Variants in RIGI observed in about 807,000 individuals in gnomAD.
RIGI encodes the protein RNA sensor RIG-I, also known as antiviral innate immune response receptor RIG-I.
At chr9:32,514,623 G>A in the RIGI span, among the ~76,000 whole-genome samples, 1 of 152,080 alleles carries the variant, frequency 6.6e-6, no homozygotes, top group African/African-American at 2.4e-5. Flanking sequence ...ATACCTAATG[G>A]AGATGATGGT....
the RIGI span, among the ~76,000 whole-genome samples, chr9:32,498,571 A>C: frequency 6.6e-6 from 1 of 152,216 alleles, no homozygotes; most frequent in East Asian, 1.9e-4. Context: ...ATAGCTCTGA[A>C]AACAGAAATG....
the RIGI span, among the ~76,000 whole-genome samples, chr9:32,500,481 T>C: frequency 6.6e-6 from 1 of 152,232 alleles, no homozygotes; most frequent in Non-Finnish European, 1.5e-5. Context: ...ATTGTTATTA[T>C]TAAAAATGAT....
At chr9:32,466,690 C>CAAAAAAAAA in the RIGI span, among the ~76,000 whole-genome samples, 6 of 68,602 alleles carry the variant, frequency 8.7e-5, no homozygotes, top group African/African-American at 3.1e-4. Context: ...AGACCTATCT[C>CAAAAAAAAA]AAAAAAAAAA....
At chr9:32,519,837 C>T in the RIGI span, among the ~76,000 whole-genome samples, 13 of 151,744 alleles carry the variant, frequency 8.6e-5, no homozygotes, top group African/African-American at 2.7e-4. Context: ...TTTTTTTATC[C>T]TAAGCCATTT....
At chr9:32,489,014 A>C in the RIGI span, 1 of 826,242 alleles carries the variant, frequency 1.2e-6, no homozygotes, top group African/African-American at 1.8e-5. Flanking sequence ...TAAATATGTT[A>C]ATGATTACAG....
At chr9:32,461,475 A>G in the RIGI span, among the ~76,000 whole-genome samples, 1 of 152,190 alleles carries the variant, frequency 6.6e-6, no homozygotes, top group African/African-American at 2.4e-5. Flanking sequence ...TCCCAGGTGG[A>G]TCCAGACAGC....
At chr9:32,499,316 G>GTTTTT in the RIGI span, among the ~76,000 whole-genome samples, 300 of 57,330 alleles carry the variant, frequency 5.2e-3, no homozygotes, top group East Asian at 8.8e-3. Context: ...TTTGTGATTT[G>GTTTTT]TTTTTTTTTT....
chr9:32,498,038 C>A, the RIGI span, among the ~76,000 whole-genome samples: 111 of 152,240 alleles, frequency 7.3e-4, no homozygotes, highest in Non-Finnish European at 1.2e-3. Flanking sequence ...AGAAACCAGC[C>A]CTTTGGAAAG....
chr9:32,455,894 C>T, the RIGI span: 24 of 152,168 alleles, frequency 1.6e-4, no homozygotes, highest in Admixed American at 1.6e-3. Context: ...ATATAACTGG[C>T]AAGTTTCTCT....
At chr9:32,487,534 C>G in the RIGI span, 1 of 1,614,194 alleles carries the variant, frequency 6.2e-7, no homozygotes, top group Non-Finnish European at 8.5e-7. Context: ...GTTGCTATCA[C>G]TGACGCATCA....
chr9:32,487,723 G>C, the RIGI span: 17 of 1,483,254 alleles, frequency 1.1e-5, no homozygotes, highest in African/African-American at 1.4e-5. Context: ...CTGGGGTAGG[G>C]CGTTTTTTTG....
chr9:32,480,499 G>T, the RIGI span: 1 of 720,824 alleles, frequency 1.4e-6, no homozygotes, highest in South Asian at 3.8e-5. Flanking sequence ...AAAGATGAAT[G>T]GCCTCTAACA....
chr9:32,491,328 G>T, the RIGI span: 1 of 1,613,592 alleles, frequency 6.2e-7, no homozygotes. Context: ...TTCTCACTAA[G>T]ATTCTGGCAT....
chr9:32,455,978 C>A, the RIGI span: 1 of 152,226 alleles, frequency 6.6e-6, no homozygotes, highest in Non-Finnish European at 1.5e-5. Context: ...TCCCGTTGAT[C>A]TCCAGGGAAC....
chr9:32,513,228 T>G, the RIGI span, among the ~76,000 whole-genome samples: 3 of 152,068 alleles, frequency 2.0e-5, no homozygotes, highest in African/African-American at 7.2e-5. Context: ...TACTTTAAAG[T>G]TCATATGGAA....
At chr9:32,487,890 T>C in the RIGI span, 3 of 1,582,550 alleles carry the variant, frequency 1.9e-6, no homozygotes, top group East Asian at 2.2e-5. Flanking sequence ...AGTAAGAAAA[T>C]AGGAGTTAGG....
chr9:32,491,287 A>G, the RIGI span: 1 of 1,612,702 alleles, frequency 6.2e-7, no homozygotes, highest in African/African-American at 1.3e-5. Context: ...AAAAGGACAA[A>G]CAATACCAGG....
the RIGI span, among the ~76,000 whole-genome samples, chr9:32,515,267 G>A: frequency 1.4e-5 from 2 of 146,220 alleles, no homozygotes; most frequent in African/African-American, 2.5e-5. Flanking sequence ...GCAGTGAGCC[G>A]AGATCAGACC....
chr9:32,471,301 C>G, the RIGI span, among the ~76,000 whole-genome samples: 8 of 152,154 alleles, frequency 5.3e-5, no homozygotes, highest in African/African-American at 1.7e-4. Context: ...TAATATATTT[C>G]CAGCCCAAAT....
Sources: allele counts gnomAD v4.1 joint callset (sites outside exome capture counted in the v4.1 genomes callset), GRCh38; gene constraint gnomAD v4.1.1; transcripts MANE v1.5; gene names NCBI Gene and HGNC (gene_info 2026-07-23, HGNC 2026-07-21).